TRDN: variants seen among roughly 807,000 people sequenced by gnomAD.
TRDN encodes the protein triadin in skeletal muscle.
TRDN carries 161 observed loss-of-function variants against 149.7 expected under a neutral mutation model. That is an observed-to-expected ratio of 1.08 (90% CI 0.95 to 1.23). The LOEUF (loss-of-function observed/expected upper bound fraction) is 1.23, where lower values mean the gene tolerates loss of function less well. Among genes scored for constraint, TRDN ranks in the 50% most tolerant of loss-of-function variants. The probability of loss-of-function intolerance (pLI) is 0.00; values close to 1 mark genes in which losing one functional copy is unlikely to be tolerated. For missense variants in TRDN, 896 were observed against 823.5 expected (o/e 1.09, Z -1.08); for synonymous variants, 294 against 250.5 (o/e 1.17, Z -1.64).
intron 20 of TRDN, among the ~76,000 whole-genome samples, chr6:123,358,342 T>G (rs572033385): frequency 6.6e-6 from 1 of 152,330 alleles, no homozygotes; most frequent in African/African-American, 2.4e-5. Flanking sequence ...TAGGCTTTTA[T>G]TTCACTATTC....
At chr6:123,472,420 C>T (rs556581741) in intron 9 of TRDN, among the ~76,000 whole-genome samples, 20 of 152,348 alleles carry the variant, frequency 1.3e-4, no homozygotes, top group East Asian at 3.9e-4. Context: ...ACACCTGGCT[C>T]GGAGGGTCCT....
rs1326906193 is a variant in TRDN, at chr6:123,337,551, G to C, written c.1420+68C>G. On this transcript the variant is annotated intron_variant, in intron 22 of 40. Coordinates refer to ENST00000334268, the MANE Select transcript of TRDN (RefSeq NM_006073.4). Reference sequence around the variant, plus strand: ...TATTTGCAAAGGGGATGCAGCTAATGTACTGTGTTCTCAATAATATATATT... The same window carrying C: ...TATTTGCAAAGGGGATGCAGCTAATCTACTGTGTTCTCAATAATATATATT... The C allele has an allele frequency of 4.1e-6, 3 of 724,438 alleles. No homozygotes were observed. The East Asian group carries it at 1.1e-4, about 27-fold the overall frequency. The allele number at this position is 724,438 out of a possible 1,614,324, so 44.9% of individuals were successfully genotyped here.
intron 38 of TRDN, among the ~76,000 whole-genome samples, chr6:123,225,935 AT>A (rs1775342375): frequency 6.6e-6 from 1 of 151,824 alleles, no homozygotes; most frequent in African/African-American, 2.4e-5. Flanking sequence ...TGTCTTATTT[AT>A]TTAGATTTTG....
chr6:123,227,141 T>G (rs1316377275), intron 38 of TRDN, among the ~76,000 whole-genome samples: 1 of 151,798 alleles, frequency 6.6e-6, no homozygotes, highest in Non-Finnish European at 1.5e-5. Context: ...GTTTTAGAGA[T>G]GTACTTGGTA....
chr6:123,227,611 G>A (rs1327244279), intron 38 of TRDN, among the ~76,000 whole-genome samples: 1 of 151,886 alleles, frequency 6.6e-6, no homozygotes, highest in African/African-American at 2.4e-5. Flanking sequence ...TTTAATTTTT[G>A]CAAAATAGTT....
chr6:123,399,378 G>T (rs1772869130), intron 12 of TRDN, among the ~76,000 whole-genome samples: 1 of 152,054 alleles, frequency 6.6e-6, no homozygotes, highest in African/African-American at 2.4e-5. Flanking sequence ...TGAAGACCAA[G>T]GTATCAATTA....
chr6:123,286,130 C>A (rs1777796084), intron 24 of TRDN, among the ~76,000 whole-genome samples: 2 of 152,082 alleles, frequency 1.3e-5, no homozygotes, highest in African/African-American at 2.4e-5. Flanking sequence ...TCTTAAAGAA[C>A]TAAAAGTAGA....
intron 21 of TRDN, chr6:123,351,415 A>T: frequency 2.0e-6 from 2 of 984,950 alleles, no homozygotes; most frequent in Non-Finnish European, 2.4e-6. Context: ...CAGTGCTCCC[A>T]CTTTATATTT....
intron 1 of TRDN, among the ~76,000 whole-genome samples, chr6:123,585,534 G>A (rs1783428553): frequency 6.6e-6 from 1 of 152,186 alleles, no homozygotes; most frequent in African/African-American, 2.4e-5. Context: ...GGGCTTCCGA[G>A]GCGATTGGGC....
intron 24 of TRDN, among the ~76,000 whole-genome samples, chr6:123,281,312 G>A (rs1253069430): frequency 6.6e-6 from 1 of 152,122 alleles, no homozygotes; most frequent in East Asian, 1.9e-4. Flanking sequence ...GTAAATAACA[G>A]CCTCAGCAAT....
chr6:123,606,885 C>A (rs1201632972), intron 1 of TRDN, among the ~76,000 whole-genome samples: 2 of 152,056 alleles, frequency 1.3e-5, no homozygotes, highest in Non-Finnish European at 1.5e-5. Context: ...ATACTATATA[C>A]AATCATCTTT....
intron 1 of TRDN, among the ~76,000 whole-genome samples, chr6:123,590,201 A>G (rs926115668): frequency 6.6e-6 from 1 of 152,144 alleles, no homozygotes; most frequent in Non-Finnish European, 1.5e-5. Context: ...GCCACTCTCC[A>G]GGGCTTGCAT....
At chr6:123,564,323 A>C (rs138284594) in intron 2 of TRDN, among the ~76,000 whole-genome samples, 1 of 152,300 alleles carries the variant, frequency 6.6e-6, no homozygotes, top group East Asian at 1.9e-4. Flanking sequence ...CTCAGTACAC[A>C]TGAGAGTTGA....
intron 34 of TRDN, 47 bp downstream of exon 34, chr6:123,260,563 ACT>A (rs1478391810): frequency 1.4e-6 from 2 of 1,458,528 alleles, no homozygotes; most frequent in Admixed American, 5.9e-5. Context: ...AAATTTACAT[ACT>A]GTTTCCACAA....
intron 12 of TRDN, among the ~76,000 whole-genome samples, chr6:123,413,342 T>G (rs1253174617): frequency 6.6e-6 from 1 of 152,200 alleles, no homozygotes; most frequent in Non-Finnish European, 1.5e-5. Flanking sequence ...TTCAGAGACT[T>G]TTATATGTCT....
At chr6:123,238,705 C>T (rs1025185905) in intron 38 of TRDN, among the ~76,000 whole-genome samples, 1 of 151,798 alleles carries the variant, frequency 6.6e-6, no homozygotes, top group African/African-American at 2.4e-5. Context: ...TTGATAGACA[C>T]ATATATAAAA....
chr6:123,412,943 A>C (rs934868413), intron 12 of TRDN, among the ~76,000 whole-genome samples: 9 of 152,270 alleles, frequency 5.9e-5, no homozygotes, highest in South Asian at 2.1e-4. Flanking sequence ...TGGAATCCCC[A>C]AAAAATATCT....
intron 38 of TRDN, among the ~76,000 whole-genome samples, chr6:123,246,193 C>G (rs906838364): frequency 5.3e-5 from 8 of 151,966 alleles, no homozygotes; most frequent in South Asian, 2.1e-4. Context: ...GAAACAAGAG[C>G]AAACAAATTC....
At position 123,606,079 on chromosome 6, in the gene TRDN, C is replaced by A. The variant is rs531005714; in HGVS notation, c.22+30675G>T. 1.9e-4 allele frequency among the ~76,000 whole-genome samples: 29 copies of A among 151,830 alleles called. 1 individual carries two copies. In the South Asian group the frequency reaches 5.8e-3, roughly 31 times the overall value. On this transcript the variant is annotated intron_variant, in intron 1 of 40. Coordinates refer to ENST00000334268, the MANE Select transcript of TRDN (RefSeq NM_006073.4). ...TAGTTTCCTGTGAATAAAGAATTTG[C>A]TAAATATATTTATAGTGCAAGCAAG...
Sources: gnomAD v4.1 joint callset for allele counts (sites outside exome capture counted in the v4.1 genomes callset) on GRCh38, gnomAD v4.1.1 for gene constraint, MANE v1.5 for transcripts, NCBI Gene and HGNC (gene_info 2026-07-23, HGNC 2026-07-21) for gene names.